TEX11: variants seen among roughly 807,000 people sequenced by gnomAD.
TEX11 encodes testis-expressed protein 11.
A neutral mutation model predicts 84.4 loss-of-function variants in TEX11; 7 were observed. The observed-to-expected ratio is 0.08, with a 90% CI of 0.05 to 0.16. TEX11 has a LOEUF of 0.16. Among genes scored for constraint, TEX11 ranks in the 10% least tolerant of loss-of-function variants. TEX11 has a pLI of 1.00. For synonymous variants in TEX11, 264 were observed against 222.8 expected (o/e 1.18, Z -1.64); for missense variants, 551 against 660.5 (o/e 0.83, Z 1.82).
chrX:70,541,181 G>A (rs1036892535), intron 28 of TEX11, among the ~76,000 whole-genome samples: 11 of 111,256 alleles, frequency 9.9e-5, no homozygotes, highest in African/African-American at 3.3e-4. Context: ...GCAAGACCCT[G>A]TCTCAAAAAA....
rs531431348 is a variant in TEX11 at position 70,587,476 on chromosome X, C to T, written c.2140+4275G>A. Reference sequence around the variant, plus strand: ...GCCATTGCTTCAAAGGGTGCAAGCCCCAAGCCTTGGTGGCTTTCATGTGGT... The same window carrying T: ...GCCATTGCTTCAAAGGGTGCAAGCCTCAAGCCTTGGTGGCTTTCATGTGGT... On this transcript the variant is annotated intron_variant, in intron 25 of 29. Transcript: ENST00000374333. Among the ~76,000 whole-genome samples, 13 of 112,775 alleles carry T rather than the reference C, an allele frequency of 1.2e-4. No homozygotes were observed. The South Asian group carries it at 4.4e-3, about 38-fold the overall frequency.
chrX:70,818,872 T>A (rs2091303965), intron 8 of TEX11, among the ~76,000 whole-genome samples: 1 of 111,050 alleles, frequency 9.0e-6, no homozygotes, highest in Admixed American at 9.7e-5. Context: ...CTTAGAAACA[T>A]GCAGCCTAAC....
intron 15 of TEX11, among the ~76,000 whole-genome samples, chrX:70,671,880 G>GATATATATATATATATATAT (rs67645855): frequency 7.5e-5 from 5 of 66,336 alleles, no homozygotes; most frequent in Admixed American, 2.2e-4. Context: ...CAATTGTTTT[G>GATATATATATATATATATAT]ATATATATAT....
Position 70,886,864 on chromosome X carries a change from C to T in TEX11, c.38-6755G>A, listed in dbSNP as rs185640466. Among the ~76,000 whole-genome samples, 4 of 111,950 alleles carry T rather than the reference C, an allele frequency of 3.6e-5. No individual in the cohort carries two copies. In the East Asian group the frequency reaches 1.1e-3, roughly 31 times the overall value. ...GGGGGTGGAGGGAGGCAAGAGCTGA[C>T]AATATCATGCTAATCACAAAGGAAT... On this transcript the variant is annotated intron_variant, in intron 2 of 29. Coordinates refer to ENST00000374333, the MANE Select transcript of TEX11 (RefSeq NM_031276.3).
intron 24 of TEX11, among the ~76,000 whole-genome samples, chrX:70,597,183 C>T (rs2089018941): frequency 1.8e-5 from 2 of 111,968 alleles, no homozygotes. Flanking sequence ...ATTCCATGTT[C>T]ATGAATCAGA....
intron 9 of TEX11, 94 bp downstream of exon 9, chrX:70,806,611 G>A: frequency 1.8e-6 from 1 of 550,482 alleles, no homozygotes; most frequent in Non-Finnish European, 3.0e-6. Flanking sequence ...TGAAGTCAGA[G>A]AAGGTTTAAA....
chrX:70,640,393 C>T (rs1330491677), intron 17 of TEX11, among the ~76,000 whole-genome samples: 1 of 103,658 alleles, frequency 9.6e-6, no homozygotes, highest in Non-Finnish European at 2.0e-5. Context: ...GGCAGGCCAA[C>T]GTTCAGATTC....
At chrX:70,896,040 G>C (rs1215612224) in intron 2 of TEX11, among the ~76,000 whole-genome samples, 1 of 112,111 alleles carries the variant, frequency 8.9e-6, no homozygotes, top group Non-Finnish European at 1.9e-5. Context: ...TTAAACTAAA[G>C]AGTTTCTGCA....
At chrX:70,616,762 A>T (rs773095137) in intron 20 of TEX11, among the ~76,000 whole-genome samples, 1 of 112,007 alleles carries the variant, frequency 8.9e-6, no homozygotes, top group East Asian at 2.8e-4. Flanking sequence ...GTTAAATGAA[A>T]TAAGCCAGGC....
chrX:70,649,512 G>A (rs932714197), intron 17 of TEX11, among the ~76,000 whole-genome samples: 6 of 112,144 alleles, frequency 5.4e-5, no homozygotes, highest in East Asian at 5.6e-4. Context: ...TTGTATAGTC[G>A]CTTTAGAAAA....
At chrX:70,903,472 G>A (rs1401809604) in intron 2 of TEX11, among the ~76,000 whole-genome samples, 1 of 110,618 alleles carries the variant, frequency 9.0e-6, no homozygotes, top group Non-Finnish European at 1.9e-5. Context: ...AATCTTCTGG[G>A]ACCACTGTTG....
chrX:70,850,749 T>C (rs938451975), intron 7 of TEX11, among the ~76,000 whole-genome samples: 1 of 109,216 alleles, frequency 9.2e-6, no homozygotes, highest in East Asian at 2.9e-4. Context: ...AGCAAGATCC[T>C]GTCTCTAAAA....
chrX:70,899,553 T>C (rs2091790746), intron 2 of TEX11, among the ~76,000 whole-genome samples: 2 of 109,956 alleles, frequency 1.8e-5, no homozygotes, highest in South Asian at 7.9e-4. Context: ...TTCTGAAGAC[T>C]TGATGAAACA....
chrX:70,672,995 C>A, intron 15 of TEX11: 1 of 126,540 alleles, frequency 7.9e-6, no homozygotes, highest in Admixed American at 7.5e-5. Flanking sequence ...GACTACCTTG[C>A]TGTGAATGGT....
intron 9 of TEX11, among the ~76,000 whole-genome samples, chrX:70,788,685 A>C (rs867093294): frequency 1.3e-4 from 9 of 69,454 alleles, no homozygotes; most frequent in African/African-American, 5.0e-4. Flanking sequence ...TCTCTTGGGA[A>C]ACACACACAC....
intron 20 of TEX11, among the ~76,000 whole-genome samples, chrX:70,612,206 A>G (rs1483558399): frequency 1.8e-5 from 2 of 110,857 alleles, no homozygotes; most frequent in Non-Finnish European, 3.8e-5. Flanking sequence ...CTAAAGGCCT[A>G]TTTATTAGGA....
intron 13 of TEX11, among the ~76,000 whole-genome samples, chrX:70,721,632 T>A (rs1354271535): frequency 9.0e-6 from 1 of 111,536 alleles, no homozygotes; most frequent in Non-Finnish European, 1.9e-5. Context: ...TTATCTGGAG[T>A]TAGAAAACTA....
At chrX:70,859,009 G>A (rs2091553618) in intron 5 of TEX11, among the ~76,000 whole-genome samples, 1 of 110,623 alleles carries the variant, frequency 9.0e-6, no homozygotes, top group Non-Finnish European at 1.9e-5. Flanking sequence ...CTGCACTCCA[G>A]CCTGAGTGAC....
chrX:70,552,769 A>G (rs1190542615), intron 27 of TEX11, among the ~76,000 whole-genome samples: 1 of 112,075 alleles, frequency 8.9e-6, no homozygotes, highest in Admixed American at 9.5e-5. Flanking sequence ...TAAAGTGCTT[A>G]GAAAAATAAT....
Sources: allele counts gnomAD v4.1 joint callset (sites outside exome capture counted in the v4.1 genomes callset), GRCh38; gene constraint gnomAD v4.1.1; transcripts MANE v1.5; gene names NCBI Gene and HGNC (gene_info 2026-07-23, HGNC 2026-07-21).